The following PACRG variants were observed in gnomAD, a reference collection of about 807,000 sequenced individuals.
PACRG encodes the protein parkin coregulated gene protein.
Under a neutral mutation model 29.7 loss-of-function variants are expected in PACRG, and 29 were observed. That is an observed-to-expected ratio of 0.98 (90% CI 0.73 to 1.33). The LOEUF (loss-of-function observed/expected upper bound fraction) is 1.33, where lower values mean the gene tolerates loss of function less well. Ranked by LOEUF, PACRG falls within the 40% of genes most tolerant of loss-of-function variation. The probability of loss-of-function intolerance (pLI) is 0.00; values close to 1 mark genes in which losing one functional copy is unlikely to be tolerated. For missense variants in PACRG, 279 were observed against 316.2 expected, an observed-to-expected ratio of 0.88 and a Z score of 0.89; for synonymous variants, 116 against 118.7, an observed-to-expected ratio of 0.98 and a Z score of 0.15.
chr6:163,087,478 GACC>G (rs1486707590), intron 3 of PACRG, among the ~76,000 whole-genome samples: 1 of 150,560 alleles, frequency 6.6e-6, no homozygotes, highest in African/African-American at 2.4e-5. Context: ...TGAGGATGGA[GACC>G]AGGACCAGAG....
intron 4 of PACRG, chr6:163,191,821 C>G: frequency 2.2e-6 from 1 of 454,302 alleles, no homozygotes; most frequent in Non-Finnish European, 4.4e-6. Flanking sequence ...TCTCTAAACC[C>G]TGTAACACTT....
chr6:162,849,688 C>T (rs1256396012), intron 2 of PACRG, among the ~76,000 whole-genome samples: 1 of 152,180 alleles, frequency 6.6e-6, no homozygotes, highest in Non-Finnish European at 1.5e-5. Flanking sequence ...TTGAAAACTA[C>T]AATTTAGTAT....
chr6:162,804,584 G>A (rs1237417435), intron 1 of PACRG, among the ~76,000 whole-genome samples: 2 of 152,010 alleles, frequency 1.3e-5, no homozygotes, highest in Admixed American at 6.6e-5. Context: ...TCTTATTCTT[G>A]ATGCCACCTT....
chr6:162,813,749 T>G (rs1393147330), intron 1 of PACRG, among the ~76,000 whole-genome samples: 1 of 152,164 alleles, frequency 6.6e-6, no homozygotes, highest in Non-Finnish European at 1.5e-5. Context: ...ATTACTTCAG[T>G]ATTCCATAAA....
intron 4 of PACRG, among the ~76,000 whole-genome samples, chr6:163,151,787 A>T (rs1224014273): frequency 6.6e-6 from 1 of 152,212 alleles, no homozygotes; most frequent in Non-Finnish European, 1.5e-5. Flanking sequence ...TTTTTAACGG[A>T]ACTTAAATAT....
intron 2 of PACRG, among the ~76,000 whole-genome samples, chr6:162,956,022 C>G (rs531320011): frequency 5.3e-5 from 8 of 152,286 alleles, no homozygotes; most frequent in African/African-American, 1.9e-4. Context: ...AGCCTGGAGG[C>G]TTTTCTCCTG....
intron 2 of PACRG, among the ~76,000 whole-genome samples, chr6:162,900,803 G>A (rs931824947): frequency 6.6e-6 from 1 of 152,082 alleles, no homozygotes; most frequent in South Asian, 2.1e-4. Context: ...ATCGGATTTG[G>A]CTCAAATGTT....
chr6:162,791,709 A>G (rs1044845517), intron 1 of PACRG, among the ~76,000 whole-genome samples: 4 of 152,210 alleles, frequency 2.6e-5, no homozygotes, highest in Non-Finnish European at 5.9e-5. Flanking sequence ...AATATATAGC[A>G]TCCCATCAAT....
chr6:163,282,035 G>T (rs1206744312), intron 4 of PACRG, among the ~76,000 whole-genome samples: 1 of 151,972 alleles, frequency 6.6e-6, no homozygotes, highest in Admixed American at 6.6e-5. Flanking sequence ...TGAATATTCA[G>T]AACTTTTTTA....
intron 1 of PACRG, among the ~76,000 whole-genome samples, chr6:162,789,117 G>T (rs910398190): frequency 1.3e-5 from 2 of 151,990 alleles, no homozygotes; most frequent in Non-Finnish European, 2.9e-5. Context: ...GTAAATATTT[G>T]GTCTTTTATT....
At chr6:163,020,434 G>A (rs968431796) in intron 2 of PACRG, among the ~76,000 whole-genome samples, 34 of 152,038 alleles carry the variant, frequency 2.2e-4, no homozygotes, top group African/African-American at 8.2e-4. Context: ...AACCAAACAC[G>A]CAGAGACCCC....
intron 4 of PACRG, among the ~76,000 whole-genome samples, chr6:163,127,937 T>G (rs1201955757): frequency 6.6e-6 from 1 of 152,248 alleles, no homozygotes; most frequent in African/African-American, 2.4e-5. Context: ...GTAATCCATC[T>G]CATAACATGA....
chr6:162,881,918 GATCGGAGACCACA>G (rs1793888653), intron 2 of PACRG, among the ~76,000 whole-genome samples: 1 of 126,200 alleles, frequency 7.9e-6, no homozygotes, highest in African/African-American at 3.1e-5. Context: ...TCTCCACCAA[GATCGGAGACCACA>G]GGGTCCTCTC....
intron 4 of PACRG, among the ~76,000 whole-genome samples, chr6:163,110,174 A>G (rs1238150709): frequency 1.3e-5 from 2 of 152,234 alleles, no homozygotes; most frequent in East Asian, 1.9e-4. Context: ...GAAGGCTGCT[A>G]GGCCACTGTT....
intron 1 of PACRG, among the ~76,000 whole-genome samples, chr6:162,773,538 C>T (rs1207228371): frequency 1.6e-4 from 18 of 111,784 alleles, no homozygotes; most frequent in Non-Finnish European, 2.1e-4. Flanking sequence ...GACGGAGTCT[C>T]GCTCTGTCGC....
At chr6:162,962,448 C>T (rs1800702189) in intron 2 of PACRG, among the ~76,000 whole-genome samples, 1 of 152,184 alleles carries the variant, frequency 6.6e-6, no homozygotes, top group African/African-American at 2.4e-5. Flanking sequence ...CCCCCAGATT[C>T]ACACCTTGAA....
In PACRG at chr6:162,757,992, G is replaced by A. The variant is rs181654533; in HGVS notation, c.156+29601G>A. Reference sequence around the variant, plus strand: ...CTATGAGGTTGTCAATAGTACGAAAGTCTGAAAACTTACTTTAATGGCAAT... The same window carrying A: ...CTATGAGGTTGTCAATAGTACGAAAATCTGAAAACTTACTTTAATGGCAAT... On this transcript the variant is annotated intron_variant, in intron 1 of 4. Coordinates refer to ENST00000366888, the MANE Select transcript of PACRG (RefSeq NM_001080379.2). 6.8e-4 allele frequency among the ~76,000 whole-genome samples: 103 copies of A among 152,216 alleles called. No homozygotes were observed. The East Asian group carries it at 0.01, about 15-fold the overall frequency.
chr6:163,109,746 T>C (rs185465704), intron 4 of PACRG, among the ~76,000 whole-genome samples: 63 of 152,324 alleles, frequency 4.1e-4, no homozygotes, highest in African/African-American at 1.5e-3. Flanking sequence ...ATATTGGGAA[T>C]AAACAAGCAG....
At chr6:162,889,209 T>C (rs1406787351) in intron 2 of PACRG, among the ~76,000 whole-genome samples, 1 of 152,150 alleles carries the variant, frequency 6.6e-6, no homozygotes, top group African/African-American at 2.4e-5. Flanking sequence ...GAACTGTATG[T>C]TATTCTATAA....
Sources: allele counts gnomAD v4.1 joint callset (sites outside exome capture counted in the v4.1 genomes callset), GRCh38; gene constraint gnomAD v4.1.1; transcripts MANE v1.5; gene names NCBI Gene and HGNC (gene_info 2026-07-23, HGNC 2026-07-21).